CNTN5: variants seen among roughly 807,000 people sequenced by gnomAD.
CNTN5 encodes the protein contactin-5.
In CNTN5, 77 loss-of-function variants were observed where a neutral mutation model predicts 129.1. The observed-to-expected ratio is 0.60, with a 90% confidence interval of 0.50 to 0.72. The LOEUF (loss-of-function observed/expected upper bound fraction) is 0.72. CNTN5 is among the 30% of genes least tolerant of loss of function. CNTN5 has a pLI of 0.00. For missense variants in CNTN5, 1,478 were observed against 1,328.8 expected (o/e 1.11, Z -1.75); for synonymous variants, 509 against 465.6 (o/e 1.09, Z -1.20).
intron 2 of CNTN5, among the ~76,000 whole-genome samples, chr11:99,358,051 T>C (rs4754606): frequency 0.23 from 33,598 of 146,308 alleles, 3,876 homozygotes; most frequent in South Asian, 0.32. Context: ...AAATTCATCA[T>C]AAGAATGAAA....
At chr11:99,671,648 C>T (rs975709891) in intron 3 of CNTN5, among the ~76,000 whole-genome samples, 3 of 152,114 alleles carry the variant, frequency 2.0e-5, no homozygotes, top group Non-Finnish European at 2.9e-5. Flanking sequence ...AAAATGCTGT[C>T]AGGAAAGTGT....
chr11:99,702,199 A>C (rs769940392), intron 3 of CNTN5, among the ~76,000 whole-genome samples: 8 of 150,962 alleles, frequency 5.3e-5, no homozygotes, highest in Non-Finnish European at 1.2e-4. Context: ...AGTTATTTGC[A>C]GCCCCAGTTT....
intron 24 of CNTN5, among the ~76,000 whole-genome samples, chr11:100,353,563 C>G (rs902725621): frequency 1.3e-5 from 2 of 151,500 alleles, no homozygotes; most frequent in Admixed American, 6.6e-5. Flanking sequence ...GCAGCCATTC[C>G]CAATAGCTAG....
At chr11:99,287,559 A>T (rs1395861281) in intron 1 of CNTN5, among the ~76,000 whole-genome samples, 1 of 152,062 alleles carries the variant, frequency 6.6e-6, no homozygotes, top group East Asian at 1.9e-4. Context: ...ATCTTTTCCT[A>T]CTACAAGTGG....
chr11:100,176,870 G>A (rs868324898), intron 13 of CNTN5, among the ~76,000 whole-genome samples: 1 of 141,918 alleles, frequency 7.0e-6, no homozygotes, highest in East Asian at 2.4e-4. Flanking sequence ...GTGTGTGTGT[G>A]TGTGTGTATA....
rs115729422 is a variant in CNTN5 at position 99,877,695 on chromosome 11, C to T, written c.577+32433C>T. 5.8e-3 allele frequency among the ~76,000 whole-genome samples: 890 copies of T among 152,142 alleles called. 13 individuals carry two copies. Among genetic ancestry groups the T allele is most frequent in the African/African-American group, 0.02 (846 of 41,518 alleles). On this transcript the variant is annotated intron_variant, in intron 6 of 24. Coordinates refer to ENST00000524871, the MANE Select transcript of CNTN5 (RefSeq NM_014361.4). Reference sequence around the variant, plus strand: ...AGTCTTAATTGCTTAAAATTACATGCTGTAGTAATATACAATACTGTGCAG... The same window carrying T: ...AGTCTTAATTGCTTAAAATTACATGTTGTAGTAATATACAATACTGTGCAG...
chr11:99,627,274 TCTCC>T (rs1951165924), intron 3 of CNTN5, among the ~76,000 whole-genome samples: 2 of 152,108 alleles, frequency 1.3e-5, no homozygotes, highest in African/African-American at 4.8e-5. Flanking sequence ...AGCCTCTGTT[TCTCC>T]ATATTGAACA....
At chr11:99,587,138 A>G (rs894777845) in intron 3 of CNTN5, among the ~76,000 whole-genome samples, 1 of 152,158 alleles carries the variant, frequency 6.6e-6, no homozygotes, top group Non-Finnish European at 1.5e-5. Flanking sequence ...ACTAAGAAAG[A>G]GCAACTCAGA....
intron 1 of CNTN5, among the ~76,000 whole-genome samples, chr11:99,252,572 C>T (rs1236330732): frequency 6.6e-6 from 1 of 151,174 alleles, no homozygotes; most frequent in East Asian, 1.9e-4. Context: ...AGTGTATAAA[C>T]ATCCCCCTAG....
rs543888656 is a variant in CNTN5 at position 99,963,873 on chromosome 11, C to T, written c.877+6864C>T. ...TAGTTCTCCTTGAAGAGGTCCTTCA[C>T]ATCCCTTGTAAGTTGGATTCCTAAG... is the stretch of plus-strand genomic sequence containing the variant. On this transcript the variant is annotated intron_variant, in intron 8 of 24. Coordinates refer to ENST00000524871, the MANE Select transcript of CNTN5 (RefSeq NM_014361.4). 7.2e-5 allele frequency among the ~76,000 whole-genome samples: 11 copies of T among 152,194 alleles called. No homozygotes were observed. The East Asian group carries it at 1.7e-3, about 24-fold the overall frequency.
At chr11:100,171,455 CCTTTTT>C (rs1330828916) in intron 13 of CNTN5, among the ~76,000 whole-genome samples, 1 of 151,954 alleles carries the variant, frequency 6.6e-6, no homozygotes, top group African/African-American at 2.4e-5. Flanking sequence ...TTGTCCTTTT[CCTTTTT>C]AGTCAGCATT....
chr11:99,043,203 A>G (rs2135145793), intron 1 of CNTN5, among the ~76,000 whole-genome samples: 1 of 152,292 alleles, frequency 6.6e-6, no homozygotes, highest in African/African-American at 2.4e-5. Flanking sequence ...TTAACTTCTA[A>G]ATTTCATTAG....
intron 19 of CNTN5, among the ~76,000 whole-genome samples, chr11:100,298,830 T>C (rs891222617): frequency 1.3e-5 from 2 of 151,316 alleles, no homozygotes; most frequent in African/African-American, 4.8e-5. Context: ...CACCAGACCA[T>C]AGGACAATTT....
chr11:99,598,369 TCTCTCC>T lies in CNTN5; in HGVS notation c.55+42106_55+42111del, dbSNP rs574976887. The stretch of plus-strand genomic sequence containing the variant: ...CTCTCTCTCTCTCTCTCTCTCTCTC[TCTCTCC>T]CTCTCTCTCTCTGTCTCCTTCCTTC... On this transcript the variant is annotated intron_variant, in intron 3 of 24. Transcript: ENST00000524871. Among the ~76,000 whole-genome samples the T allele has an allele frequency of 0.015, 153 of 10,526 alleles. 28 individuals are homozygous for T. The East Asian group carries it at 0.22, about 15-fold the overall frequency. 6.9% of individuals were successfully genotyped at this position (10,526 alleles called of 152,430 possible). A position where few individuals can be genotyped will look rare whatever the true frequency, so the allele number is the denominator to read the frequency against.
At chr11:99,719,070 G>C (rs1208816584) in intron 3 of CNTN5, among the ~76,000 whole-genome samples, 1 of 152,098 alleles carries the variant, frequency 6.6e-6, no homozygotes, top group African/African-American at 2.4e-5. Context: ...TGTAATTCCA[G>C]CACTTTGGGA....
chr11:99,573,336 C>G (rs1949236578), intron 3 of CNTN5, among the ~76,000 whole-genome samples: 1 of 152,010 alleles, frequency 6.6e-6, no homozygotes, highest in Non-Finnish European at 1.5e-5. Context: ...TTTGGGCGGC[C>G]TAGGCGGGCG....
intron 1 of CNTN5, among the ~76,000 whole-genome samples, chr11:99,165,811 A>T (rs12274594): frequency 0.17 from 25,747 of 152,096 alleles, 2,384 homozygotes; most frequent in East Asian, 0.34. Context: ...ATTTTCTTAG[A>T]AGCTTCCTAG....
At chr11:100,251,071 T>A (rs975701019) in intron 16 of CNTN5, among the ~76,000 whole-genome samples, 2 of 152,300 alleles carry the variant, frequency 1.3e-5, no homozygotes, top group South Asian at 4.1e-4. Context: ...GTCTTTTTCA[T>A]AATATTTGAG....
intron 2 of CNTN5, among the ~76,000 whole-genome samples, chr11:99,445,259 A>T (rs1269013540): frequency 6.6e-6 from 1 of 151,426 alleles, no homozygotes; most frequent in Admixed American, 6.6e-5. Context: ...TTTTATTCTT[A>T]AGAGTTCCAT....
Sources: allele counts gnomAD v4.1 joint callset (sites outside exome capture counted in the v4.1 genomes callset), GRCh38; gene constraint gnomAD v4.1.1; transcripts MANE v1.5; gene names NCBI Gene and HGNC (gene_info 2026-07-23, HGNC 2026-07-21).